Variants in CADPS observed in about 807,000 individuals in gnomAD.
CADPS encodes calcium dependent secretion activator.
Under a neutral mutation model 167.3 loss-of-function variants are expected in CADPS, and 57 were observed. The observed-to-expected ratio is 0.34, with a 90% CI of 0.28 to 0.42. The LOEUF (loss-of-function observed/expected upper bound fraction) is 0.42. CADPS is among the 20% of genes least tolerant of loss of function. The pLI is 1.00. For synonymous variants in CADPS, 676 were observed against 635.3 expected (o/e 1.06, Z -0.96); for missense variants, 1,414 against 1,738.1 (o/e 0.81, Z 3.32).
At chr3:62,846,050 C>A (rs2077374007) in intron 1 of CADPS, among the ~76,000 whole-genome samples, 2 of 93,030 alleles carry the variant, frequency 2.1e-5, no homozygotes, top group African/African-American at 8.0e-5. Flanking sequence ...TCATTTCCCC[C>A]TTTGCTCTCT....
intron 9 of CADPS, among the ~76,000 whole-genome samples, chr3:62,568,425 G>C (rs181132510): frequency 6.6e-6 from 1 of 152,236 alleles, no homozygotes; most frequent in South Asian, 2.1e-4. Context: ...ACTGCTTGCC[G>C]AGTCTTCAGG....
intron 1 of CADPS, among the ~76,000 whole-genome samples, chr3:62,864,712 A>C (rs1357251307): frequency 6.6e-6 from 1 of 152,186 alleles, no homozygotes; most frequent in Non-Finnish European, 1.5e-5. Context: ...TCTTCCAAAT[A>C]AAGTCATATT....
intron 9 of CADPS, among the ~76,000 whole-genome samples, chr3:62,564,159 G>A (rs1378143023): frequency 6.6e-6 from 1 of 152,018 alleles, no homozygotes; most frequent in East Asian, 1.9e-4. Flanking sequence ...CCGCCACCAC[G>A]CTTGCCTAAT....
intron 1 of CADPS, among the ~76,000 whole-genome samples, chr3:62,772,228 C>A (rs116098710): frequency 2.0e-3 from 305 of 152,092 alleles, no homozygotes; most frequent in African/African-American, 6.9e-3. Context: ...ATTTACTCAG[C>A]CTTTTGAAGG....
Position 62,688,566 on chromosome 3 carries a change from G to A in CADPS, c.889-26172C>T, listed in dbSNP as rs17066830. 3.1e-3 allele frequency among the ~76,000 whole-genome samples: 469 copies of A among 152,148 alleles called. 3 individuals are homozygous for A. Among genetic ancestry groups the A allele is most frequent in the African/African-American group, 0.011 (439 of 41,514 alleles). On this transcript the variant is annotated intron_variant, in intron 3 of 29. Coordinates refer to ENST00000383710, the MANE Select transcript of CADPS (RefSeq NM_003716.4). Reference sequence around the variant, plus strand: ...TCAGGTCTTAACTTCCACATAGAGTGTTCCATCTGCTCTGCCAGTTGCCAA... The same window carrying A: ...TCAGGTCTTAACTTCCACATAGAGTATTCCATCTGCTCTGCCAGTTGCCAA...
chr3:62,505,435 T>C (rs563666651), intron 17 of CADPS, among the ~76,000 whole-genome samples: 2 of 152,264 alleles, frequency 1.3e-5, no homozygotes, highest in African/African-American at 4.8e-5. Flanking sequence ...ATGTCTCTTA[T>C]CTCACACCGT....
At chr3:62,610,450 C>T (rs1019903784) in intron 6 of CADPS, among the ~76,000 whole-genome samples, 1 of 152,048 alleles carries the variant, frequency 6.6e-6, no homozygotes, top group African/African-American at 2.4e-5. Context: ...AGGGTTTCAC[C>T]GGGTTGGCCA....
In CADPS at chr3:62,795,373, C is replaced by G. The variant is rs146898806; in HGVS notation, c.442-29389G>C. On this transcript the variant is annotated intron_variant, in intron 1 of 29. Transcript: ENST00000383710. ...AAAAAAATACTCTTGTTAGCATATG[C>G]CCTAGATGTAAGCTCCATGAGGTAG... Among the ~76,000 whole-genome samples, 604 of 152,236 alleles carry G rather than the reference C, an allele frequency of 4.0e-3. 3 individuals are homozygous for G. The highest frequency in any genetic ancestry group is 0.014 in the African/African-American group (571 of 41,542).
At chr3:62,786,580 G>A (rs768228842) in intron 1 of CADPS, among the ~76,000 whole-genome samples, 10 of 152,136 alleles carry the variant, frequency 6.6e-5, no homozygotes, top group Non-Finnish European at 1.3e-4. Flanking sequence ...AGGAGTTCGA[G>A]GTTAAAGTGA....
intron 6 of CADPS, among the ~76,000 whole-genome samples, chr3:62,610,197 T>C (rs1173007811): frequency 1.3e-5 from 2 of 152,032 alleles, no homozygotes; most frequent in Non-Finnish European, 2.9e-5. Flanking sequence ...TTCCTTTCTT[T>C]TCCTTTCCTT....
chr3:62,712,473 T>C (rs1028008551), intron 3 of CADPS, among the ~76,000 whole-genome samples: 4 of 152,222 alleles, frequency 2.6e-5, no homozygotes, highest in Non-Finnish European at 5.9e-5. Context: ...CATATGCTTG[T>C]TGCATGTTTG....
At position 62,753,625 on chromosome 3, in the gene CADPS, C is replaced by A. The variant is rs2083208220; in HGVS notation, c.704G>T (p.Ser235Ile). 6.2e-7 allele frequency: 1 copy of A among 1,614,188 alleles called. No individual in the cohort carries two copies. The highest frequency in any genetic ancestry group is 2.2e-5 in the East Asian group (1 of 44,878). The change falls in exon 3 of 30, where the codon AGC becomes ATC. Residue 235 changes from serine to isoleucine, a missense_variant. Ser to Ile is a moderately radical substitution (Grantham distance 142, BLOSUM62 -2). Transcript: ENST00000383710. The surrounding 1 kb of genome is among the most constrained non-coding windows in gnomAD (Gnocchi z 4.6). ...GGCATCAAATTTGGCCATCCAGGAG[C>A]TCAGCACAGTCTCCTTGCTGAGGCC... ...IDGLSKETVL[S>I]SWMAKFDAIY...
chr3:62,466,475 TAATTTTTAGAC>T, intron 24 of CADPS, 62 bp from the exon 25 acceptor site: 1 of 1,040,612 alleles, frequency 9.6e-7, no homozygotes, highest in Non-Finnish European at 1.5e-6. Context: ...CATCCGTCAG[TAATTTTTAGAC>T]AACTTAATTT....
At chr3:62,857,012 A>G (rs1278376439) in intron 1 of CADPS, among the ~76,000 whole-genome samples, 1 of 152,066 alleles carries the variant, frequency 6.6e-6, no homozygotes, top group African/African-American at 2.4e-5. Context: ...AATTCTGTTC[A>G]GCTAGACATA....
intron 13 of CADPS, among the ~76,000 whole-genome samples, 192 bp downstream of exon 13, chr3:62,532,674 ATTTAT>A: frequency 6.6e-6 from 1 of 151,880 alleles, no homozygotes; most frequent in Non-Finnish European, 1.5e-5. Flanking sequence ...CCTGCTTGCC[ATTTAT>A]TTTAAGTTTC....
chr3:62,585,375 T>G, intron 7 of CADPS, 51 bp from the exon 8 acceptor site: 3 of 1,566,766 alleles, frequency 1.9e-6, no homozygotes. Context: ...CCATTATGTT[T>G]TTATAGATTA....
At chr3:62,760,567 A>T (rs1265329076) in intron 2 of CADPS, among the ~76,000 whole-genome samples, 1 of 151,714 alleles carries the variant, frequency 6.6e-6, no homozygotes, top group Non-Finnish European at 1.5e-5. Context: ...CACTAAACTC[A>T]TCCTCTTAAT....
intron 3 of CADPS, among the ~76,000 whole-genome samples, chr3:62,731,996 A>AG (rs1420264107): frequency 6.6e-6 from 1 of 151,886 alleles, no homozygotes; most frequent in Non-Finnish European, 1.5e-5. Flanking sequence ...AGTGCATTCA[A>AG]GGGGGAAAGA....
intron 21 of CADPS, among the ~76,000 whole-genome samples, chr3:62,486,275 C>T (rs369562639): frequency 3.3e-5 from 5 of 151,876 alleles, no homozygotes; most frequent in African/African-American, 1.2e-4. Context: ...TGAAACCCTG[C>T]CCCACTAAAA....
Sources: allele counts gnomAD v4.1 joint callset (sites outside exome capture counted in the v4.1 genomes callset), GRCh38; gene constraint gnomAD v4.1.1; non-coding constraint Gnocchi (gnomAD v3.1); transcripts MANE v1.5; gene names NCBI Gene and HGNC (gene_info 2026-07-23, HGNC 2026-07-21).